Variants in NLGN1 observed in about 807,000 individuals in gnomAD.
NLGN1 encodes neuroligin 1, also known as neuroligin-1.
A neutral mutation model predicts 65.5 loss-of-function variants in NLGN1; 12 were observed. The observed-to-expected ratio is 0.18, with a 90% CI of 0.12 to 0.30. NLGN1 has a LOEUF of 0.30. Ranked by LOEUF, NLGN1 falls within the 10% of genes least tolerant of loss-of-function variation. The pLI, the probability that NLGN1 is intolerant of heterozygous loss-of-function variation, is 1.00. For synonymous variants in NLGN1, 350 were observed against 359.5 expected (o/e 0.97, Z 0.30); for missense variants, 750 against 1,007.1 (o/e 0.74, Z 3.46).
intron 4 of NLGN1, among the ~76,000 whole-genome samples, chr3:173,853,647 C>A (rs1471777310): frequency 6.6e-6 from 1 of 152,020 alleles, no homozygotes; most frequent in African/African-American, 2.4e-5. Flanking sequence ...TTACTAAGTG[C>A]ATTTTTCTTA....
intron 2 of NLGN1, among the ~76,000 whole-genome samples, chr3:173,578,247 AAAG>A (rs1745846820): frequency 1.3e-5 from 2 of 151,920 alleles, no homozygotes; most frequent in Non-Finnish European, 2.9e-5. Flanking sequence ...AAAAAAAAAA[AAAG>A]AAGAAGAAGA....
Position 174,281,215 on chromosome 3 carries a change from A to G in NLGN1, c.2384A>G (p.His795Arg). Residue 795 changes from histidine (H) to arginine (R), a missense_variant, in exon 7 of 7, where the codon CAC becomes CGC. Coordinates refer to ENST00000457714, the Ensembl canonical transcript of NLGN1. ...ACTATACCAGGGATTCAGCCCTTAC[A>G]CACATTCAATACATTTACTGGAGGA... 1 of 1,613,176 alleles carries G rather than the reference A, an allele frequency of 6.2e-7. No homozygotes were observed. The highest frequency in any genetic ancestry group is 8.5e-7 in the Non-Finnish European group (1 of 1,179,474).
chr3:173,922,603 A>C, intron 4 of NLGN1, among the ~76,000 whole-genome samples: 1 of 152,084 alleles, frequency 6.6e-6, no homozygotes, highest in East Asian at 1.9e-4. Flanking sequence ...TATTTATATT[A>C]ATTTTACACA....
At chr3:173,720,568 A>G (rs1770668741) in intron 3 of NLGN1, among the ~76,000 whole-genome samples, 2 of 152,206 alleles carry the variant, frequency 1.3e-5, no homozygotes, top group South Asian at 4.1e-4. Context: ...TCAGCTCTAG[A>G]AACAACATAT....
At chr3:173,840,704 C>T (rs142474846) in intron 4 of NLGN1, among the ~76,000 whole-genome samples, 293 of 151,800 alleles carry the variant, frequency 1.9e-3, no homozygotes, top group African/African-American at 6.8e-3. Context: ...TGAAATATTC[C>T]TCTCTTCTCA....
intron 3 of NLGN1, among the ~76,000 whole-genome samples, chr3:173,803,924 T>C (rs1480451579): frequency 6.6e-6 from 1 of 152,202 alleles, no homozygotes; most frequent in Non-Finnish European, 1.5e-5. Flanking sequence ...AAATACTTCA[T>C]GAGTCCTTTA....
At chr3:173,827,435 G>C (rs1038429653) in intron 4 of NLGN1, among the ~76,000 whole-genome samples, 7 of 151,952 alleles carry the variant, frequency 4.6e-5, no homozygotes, top group Non-Finnish European at 1.0e-4. Context: ...TTTAAATGAG[G>C]ATGAGTCAGT....
chr3:174,279,793 T>C lies in NLGN1; in HGVS notation c.1649+143T>C. ...ATTCCTTTATTCAAAATTAATTCTA[T>C]ATTATGGTGTTTTTAAAAGTCATTG... On this transcript the variant is annotated intron_variant, in intron 6 of 6. Coordinates refer to ENST00000457714, the Ensembl canonical transcript of NLGN1. The surrounding 1 kb of genome is among the most constrained non-coding windows in gnomAD (Gnocchi z 4.7). 1 of 588,734 alleles carries C rather than the reference T, an allele frequency of 1.7e-6. No individual in the cohort carries two copies. Among genetic ancestry groups the C allele is most frequent in the Non-Finnish European group, 2.9e-6 (1 of 339,134 alleles). 36.5% of individuals were successfully genotyped at this position (588,734 alleles called of 1,614,324 possible). A position where few individuals can be genotyped will look rare whatever the true frequency, so the allele number is the denominator to read the frequency against.
intron 2 of NLGN1, among the ~76,000 whole-genome samples, chr3:173,477,543 C>CA (rs1337185434): frequency 6.6e-6 from 1 of 150,638 alleles, no homozygotes; most frequent in Non-Finnish European, 1.5e-5. Context: ...GAGCCTGTCT[C>CA]AAAAAAAGAA....
chr3:173,714,933 A>G (rs1452534992), intron 3 of NLGN1, among the ~76,000 whole-genome samples: 3 of 152,128 alleles, frequency 2.0e-5, no homozygotes, highest in African/African-American at 7.2e-5. Context: ...GAATAAACAC[A>G]AGAGCTTAGA....
At chr3:173,524,907 T>A (rs9790247) in intron 2 of NLGN1, among the ~76,000 whole-genome samples, 1 of 151,900 alleles carries the variant, frequency 6.6e-6, no homozygotes, top group Admixed American at 6.6e-5. Context: ...ATTCCTGTAA[T>A]AAAAACCCCT....
intron 4 of NLGN1, among the ~76,000 whole-genome samples, chr3:173,898,052 G>T (rs1283612883): frequency 6.6e-6 from 1 of 152,108 alleles, no homozygotes; most frequent in Non-Finnish European, 1.5e-5. Context: ...CCTAATAAAA[G>T]TTTCTGTCTT....
At chr3:173,449,660 G>A (rs1022486225) in intron 2 of NLGN1, among the ~76,000 whole-genome samples, 1 of 152,120 alleles carries the variant, frequency 6.6e-6, no homozygotes, top group African/African-American at 2.4e-5. Context: ...GTTGACAGTG[G>A]GGTGTTAAAG....
At chr3:173,943,903 CAG>C (rs1401275241) in intron 4 of NLGN1, among the ~76,000 whole-genome samples, 2 of 151,972 alleles carry the variant, frequency 1.3e-5, no homozygotes, top group African/African-American at 4.8e-5. Context: ...AGTAGTAAAA[CAG>C]AGAAAAAGCA....
In NLGN1 at chr3:173,924,640, T is replaced by A. The variant is rs533590984; in HGVS notation, c.646+116808T>A. Among the ~76,000 whole-genome samples the A allele has an allele frequency of 3.3e-3, 504 of 151,184 alleles. 3 individuals carry two copies. The highest frequency in any genetic ancestry group is 0.011 in the African/African-American group (468 of 41,104). ...CCTGTCTCAAAAAAAAAAATAAAAA[T>A]AAAAATAAAAATTCAATTAGATACA... On this transcript the variant is annotated intron_variant, in intron 4 of 6. Transcript: ENST00000457714.
At chr3:173,795,041 A>C (rs1299843530) in intron 3 of NLGN1, among the ~76,000 whole-genome samples, 2 of 152,006 alleles carry the variant, frequency 1.3e-5, no homozygotes, top group Non-Finnish European at 2.9e-5. Flanking sequence ...TTTTGTGTTT[A>C]TGTGTCTTCT....
intron 4 of NLGN1, among the ~76,000 whole-genome samples, chr3:173,869,279 A>T (rs1458694846): frequency 2.0e-5 from 3 of 152,174 alleles, no homozygotes; most frequent in African/African-American, 7.2e-5. Context: ...GACAAAAATG[A>T]TCTATTTTTC....
intron 4 of NLGN1, among the ~76,000 whole-genome samples, chr3:173,933,328 A>G (rs1437907807): frequency 6.6e-6 from 1 of 152,164 alleles, no homozygotes; most frequent in Non-Finnish European, 1.5e-5. Flanking sequence ...AGATCTTCAA[A>G]AGATAAATAT....
chr3:174,107,535 C>T (rs1424278821), intron 4 of NLGN1, among the ~76,000 whole-genome samples: 4 of 152,034 alleles, frequency 2.6e-5, no homozygotes, highest in Admixed American at 1.3e-4. Flanking sequence ...AACCATTCAC[C>T]CACTGAAGGA....
Sources: gnomAD v4.1 joint callset for allele counts (sites outside exome capture counted in the v4.1 genomes callset) on GRCh38, gnomAD v4.1.1 for gene constraint, Gnocchi (gnomAD v3.1) non-coding constraint, MANE v1.5 for transcripts, NCBI Gene and HGNC (gene_info 2026-07-23, HGNC 2026-07-21) for gene names.